Variants in FAM107B observed in about 807,000 individuals in gnomAD.
FAM107B encodes family with sequence similarity 107 member B.
In FAM107B, 21 loss-of-function variants were observed where a neutral mutation model predicts 31.5. The observed-to-expected ratio is 0.67, with a 90% CI of 0.47 to 0.96. The LOEUF is 0.96. Among genes scored for constraint, FAM107B ranks in the 40% least tolerant of loss-of-function variants. FAM107B has a pLI of 0.00. For synonymous variants in FAM107B, 157 were observed against 141.5 expected (o/e 1.11, Z -0.78); for missense variants, 452 against 377.1 (o/e 1.20, Z -1.64).
At chr10:14,637,029 T>G (rs1853517186) in intron 2 of FAM107B, among the ~76,000 whole-genome samples, 1 of 152,174 alleles carries the variant, frequency 6.6e-6, no homozygotes, top group African/African-American at 2.4e-5. Flanking sequence ...ATAGGTAAAC[T>G]TAAATCCCAA....
At chr10:14,686,007 A>C (rs1854975838) in intron 1 of FAM107B, among the ~76,000 whole-genome samples, 2 of 152,104 alleles carry the variant, frequency 1.3e-5, no homozygotes, top group South Asian at 4.1e-4. Context: ...ATTCACTACC[A>C]CGAGAACCAT....
Position 14,723,720 on chromosome 10 carries a change from G to A in FAM107B, c.411+50533C>T. 3 of 757,460 alleles carry A rather than the reference G, an allele frequency of 4.0e-6. No homozygotes were observed. In the South Asian group the frequency reaches 4.0e-5, roughly 10 times the overall value. The allele number at this position is 757,460 out of a possible 1,614,324, so 46.9% of individuals were successfully genotyped here. A position where few individuals can be genotyped will look rare whatever the true frequency, so the allele number is the denominator to read the frequency against. On this transcript the variant is annotated intron_variant, in intron 1 of 4. Coordinates refer to ENST00000181796, the MANE Select transcript of FAM107B (RefSeq NM_031453.4). ...GTCATGGCTCCCAGAAGGCTGCCTG[G>A]ATCTGGTTAGTGAAGGTTCCAGGGG... is the stretch of plus-strand genomic sequence containing the variant.
At chr10:14,735,337 A>G (rs980669357) in intron 1 of FAM107B, among the ~76,000 whole-genome samples, 1 of 151,846 alleles carries the variant, frequency 6.6e-6, no homozygotes, top group African/African-American at 2.4e-5. Flanking sequence ...AGTGAATCTT[A>G]TGTGTGGCCC....
rs200742738 is a variant in FAM107B, at chr10:14,527,184, C to CA, written c.653+3147dup. ...ATCCCTTCAATAGTAATCTTTTAAC[C>CA]AAAAAAAAAAAAAAGCCTTTTGAAA... On this transcript the variant is annotated intron_variant, in intron 3 of 4. Transcript: ENST00000181796. Among the ~76,000 whole-genome samples the CA allele has an allele frequency of 8.8e-3, 1,093 of 124,332 alleles. 8 individuals carry two copies. The highest frequency in any genetic ancestry group is 0.023 in the African/African-American group (783 of 33,514). The allele number at this position is 124,332 out of a possible 152,430, so 81.6% of individuals were successfully genotyped here.
At chr10:14,554,034 G>A in intron 2 of FAM107B, 1 of 899,696 alleles carries the variant, frequency 1.1e-6, no homozygotes, top group East Asian at 1.2e-4. Context: ...TGCCGCCTCT[G>A]GCCCATCCTA....
In FAM107B at chr10:14,521,378, C is replaced by A; in HGVS notation, c.805-72G>T. 3.9e-6 allele frequency: 5 copies of A among 1,275,562 alleles called. No homozygotes were observed. In the South Asian group the frequency reaches 6.4e-5, roughly 16 times the overall value. The allele number at this position is 1,275,562 out of a possible 1,614,324, so 79.0% of individuals were successfully genotyped here. A position where few individuals can be genotyped will look rare whatever the true frequency, so the allele number is the denominator to read the frequency against. On this transcript the variant is annotated intron_variant, in intron 4 of 4. Transcript: ENST00000181796. ...CTTTCAAAATACTCTTCTCTCTTTTCAAAGTCCCTGACAACTTTACTTCCC... is the reference window on the plus strand; with the variant it reads ...CTTTCAAAATACTCTTCTCTCTTTTAAAAGTCCCTGACAACTTTACTTCCC...
chr10:14,750,804 C>T (rs530836710), intron 1 of FAM107B, among the ~76,000 whole-genome samples: 3 of 152,128 alleles, frequency 2.0e-5, no homozygotes, highest in Admixed American at 6.5e-5. Flanking sequence ...TAAAAATTAC[C>T]TGGGTGGTGC....
chr10:14,567,538 A>G (rs1207419348), intron 2 of FAM107B, among the ~76,000 whole-genome samples: 1 of 152,202 alleles, frequency 6.6e-6, no homozygotes, highest in Non-Finnish European at 1.5e-5. Context: ...TCAGGATCAT[A>G]GAGAGGCAAC....
At chr10:14,654,431 T>C (rs575393116) in intron 2 of FAM107B, among the ~76,000 whole-genome samples, 2 of 152,328 alleles carry the variant, frequency 1.3e-5, no homozygotes, top group African/African-American at 4.8e-5. Context: ...ATGAAAGCCA[T>C]AATTCATTGG....
intron 2 of FAM107B, among the ~76,000 whole-genome samples, chr10:14,573,576 CAAAAAAAAA>C: frequency 8.2e-6 from 1 of 122,034 alleles, no homozygotes; most frequent in South Asian, 2.7e-4. Flanking sequence ...ATTAAAAATA[CAAAAAAAAA>C]AAAAAAAAAT....
intron 1 of FAM107B, among the ~76,000 whole-genome samples, chr10:14,733,011 A>T (rs887105054): frequency 2.0e-5 from 3 of 146,906 alleles, no homozygotes; most frequent in Non-Finnish European, 4.5e-5. Flanking sequence ...TATAGAATAC[A>T]CTATATCTAA....
In FAM107B at chr10:14,542,475, C is replaced by T. The variant is rs186697696; in HGVS notation, c.470-11960G>A. ...TTAAATTTGAAGTTGTCTTCTTTCT[C>T]ATGTTAACCCCACAAAGGGAGGGCC... On this transcript the variant is annotated intron_variant, in intron 2 of 4. Coordinates refer to ENST00000181796, the MANE Select transcript of FAM107B (RefSeq NM_031453.4). 1.5e-4 allele frequency: 23 copies of T among 152,224 alleles called. No homozygotes were observed. The East Asian group carries it at 2.7e-3, about 18-fold the overall frequency. The allele number at this position is 152,224 out of a possible 1,614,324, so 9.4% of individuals were successfully genotyped here.
At chr10:14,615,991 G>A (rs1852839571) in intron 2 of FAM107B, among the ~76,000 whole-genome samples, 1 of 152,086 alleles carries the variant, frequency 6.6e-6, no homozygotes, top group African/African-American at 2.4e-5. Context: ...CTTCCCAATT[G>A]TATAAAAGAA....
At chr10:14,754,179 T>G (rs970015416) in intron 1 of FAM107B, among the ~76,000 whole-genome samples, 2 of 152,156 alleles carry the variant, frequency 1.3e-5, no homozygotes, top group African/African-American at 4.8e-5. Context: ...CCTCAGGTGA[T>G]CCACCCGTGT....
At chr10:14,526,042 G>T (rs937623712) in intron 3 of FAM107B, among the ~76,000 whole-genome samples, 2 of 152,104 alleles carry the variant, frequency 1.3e-5, no homozygotes, top group Non-Finnish European at 2.9e-5. Context: ...TCATTACCTG[G>T]GACAGCATTC....
chr10:14,536,202 TAA>T (rs1847585571), intron 2 of FAM107B, among the ~76,000 whole-genome samples: 1 of 152,236 alleles, frequency 6.6e-6, no homozygotes, highest in Non-Finnish European at 1.5e-5. Context: ...CCTAAATATA[TAA>T]GACCTAATTC....
rs1007083998 is a variant in FAM107B at position 14,526,406 on chromosome 10, C to T, written c.653+3926G>A. 2.6e-5 allele frequency among the ~76,000 whole-genome samples: 4 copies of T among 152,214 alleles called. No individual in the cohort carries two copies. The South Asian group carries it at 6.2e-4, about 24-fold the overall frequency. ...GGCCAGGCTGCTCTCAAACTCCTGA[C>T]CTCAGGTGATCTGCCTGCCTCGGCC... On this transcript the variant is annotated intron_variant, in intron 3 of 4. Coordinates refer to ENST00000181796, the MANE Select transcript of FAM107B (RefSeq NM_031453.4).
chr10:14,558,289 A>G (rs1446058326), intron 2 of FAM107B, among the ~76,000 whole-genome samples: 2 of 149,008 alleles, frequency 1.3e-5, no homozygotes, highest in African/African-American at 5.2e-5. Context: ...GCACACACAC[A>G]CATACACGCA....
chr10:14,530,249 G>C, intron 3 of FAM107B, 83 bp downstream of exon 3: 1 of 1,349,466 alleles, frequency 7.4e-7, no homozygotes, highest in African/African-American at 1.5e-5. Context: ...ACTCTTTGAA[G>C]CCTCTGTAAA....
Sources: gnomAD v4.1 joint callset for allele counts (sites outside exome capture counted in the v4.1 genomes callset) on GRCh38, gnomAD v4.1.1 for gene constraint, MANE v1.5 for transcripts, NCBI Gene and HGNC (gene_info 2026-07-23, HGNC 2026-07-21) for gene names.